PAK3: variants seen among roughly 807,000 people sequenced by gnomAD.
The protein encoded by PAK3 is p21 (RAC1) activated kinase 3.
PAK3 carries 4 observed loss-of-function variants against 41.0 expected under a neutral mutation model. The ratio of observed to expected loss-of-function variants is 0.10; its 90% CI spans 0.05 to 0.22. The LOEUF (loss-of-function observed/expected upper bound fraction) is 0.22. PAK3 is among the 10% of genes least tolerant of loss of function. The pLI, the probability that PAK3 is intolerant of heterozygous loss-of-function variation, is 1.00. For missense variants in PAK3, 205 were observed against 409.9 expected (o/e 0.50, Z 4.32); for synonymous variants, 146 against 139.6 (o/e 1.05, Z -0.32).
chrX:111,033,315 C>T (rs938518822), intron 1 of PAK3, among the ~76,000 whole-genome samples: 4 of 111,409 alleles, frequency 3.6e-5, no homozygotes, highest in Non-Finnish European at 7.5e-5. Context: ...CCCCTCCTCT[C>T]CCTCCTCCTC....
chrX:111,078,837 C>G (rs1161393389), intron 1 of PAK3, among the ~76,000 whole-genome samples: 1 of 111,882 alleles, frequency 8.9e-6, no homozygotes, highest in Non-Finnish European at 1.9e-5. Context: ...AAGTGCTACT[C>G]CAGTGAACAC....
At chrX:111,190,665 T>TA (rs749938319) in intron 11 of PAK3, among the ~76,000 whole-genome samples, 1 of 111,606 alleles carries the variant, frequency 9.0e-6, no homozygotes, top group East Asian at 2.8e-4. Flanking sequence ...AGCCAGGTCA[T>TA]ATACACTTCC....
chrX:110,983,493 G>A (rs201968065), intron 1 of PAK3, among the ~76,000 whole-genome samples: 14 of 9,660 alleles, frequency 1.4e-3, no homozygotes, highest in African/African-American at 2.4e-3. Context: ...AGAGAGAGAG[G>A]ATGTGTGTGT....
chrX:111,175,968 A>G (rs1489250368), intron 11 of PAK3, among the ~76,000 whole-genome samples: 1 of 112,022 alleles, frequency 8.9e-6, no homozygotes, highest in Non-Finnish European at 1.9e-5. Flanking sequence ...TTAAAGAATG[A>G]TAAAGTAGCA....
At chrX:111,131,846 G>A in intron 5 of PAK3, among the ~76,000 whole-genome samples, 1 of 112,036 alleles carries the variant, frequency 8.9e-6, no homozygotes, top group Non-Finnish European at 1.9e-5. Context: ...CAGGGCTGCT[G>A]TTGTCATAGG....
chrX:111,082,966 A>G (rs2092847404), intron 1 of PAK3, among the ~76,000 whole-genome samples: 1 of 112,383 alleles, frequency 8.9e-6, no homozygotes, highest in Admixed American at 9.4e-5. Context: ...TGTTCATTGC[A>G]TGAGACATGT....
At chrX:111,209,631 A>G (rs2094797470) in intron 16 of PAK3, among the ~76,000 whole-genome samples, 1 of 111,839 alleles carries the variant, frequency 8.9e-6, no homozygotes, top group Admixed American at 9.5e-5. Flanking sequence ...ACTGCACCCT[A>G]TCCTCTTTGT....
intron 1 of PAK3, among the ~76,000 whole-genome samples, chrX:111,028,325 A>G (rs1459105538): frequency 9.1e-6 from 1 of 109,639 alleles, no homozygotes; most frequent in East Asian, 2.9e-4. Context: ...GTGCACAAAA[A>G]TATCGGAAAT....
intron 7 of PAK3, among the ~76,000 whole-genome samples, chrX:111,151,900 G>A (rs1329074570): frequency 8.9e-6 from 1 of 112,108 alleles, no homozygotes; most frequent in Non-Finnish European, 1.9e-5. Context: ...TGTAAACAGA[G>A]TAGGTACACT....
At chrX:110,963,317 G>A (rs940025936) in intron 1 of PAK3, among the ~76,000 whole-genome samples, 3 of 111,945 alleles carry the variant, frequency 2.7e-5, no homozygotes, top group Admixed American at 9.5e-5. Flanking sequence ...GGTCTCCATG[G>A]GAACTAATTC....
chrX:111,097,216 C>G (rs994335100), intron 1 of PAK3, among the ~76,000 whole-genome samples, 174 bp from the exon 2 acceptor site: 5 of 103,062 alleles, frequency 4.9e-5, no homozygotes, highest in Admixed American at 1.1e-4. Flanking sequence ...AGATTACTGC[C>G]GCACTTTTGG....
chrX:111,029,553 G>A (rs191417071), intron 1 of PAK3, among the ~76,000 whole-genome samples: 184 of 111,775 alleles, frequency 1.6e-3, no homozygotes, highest in Middle Eastern at 4.6e-3. Context: ...AAGTCATGAG[G>A]AAGAGAAAAT....
At chrX:111,004,860 CA>C (rs960371310) in intron 1 of PAK3, among the ~76,000 whole-genome samples, 9 of 111,884 alleles carry the variant, frequency 8.0e-5, no homozygotes, top group Non-Finnish European at 1.5e-4. Flanking sequence ...GAACACAATT[CA>C]AAATGTTCTC....
intron 1 of PAK3, among the ~76,000 whole-genome samples, chrX:111,018,571 T>A (rs1171765434): frequency 9.0e-6 from 1 of 111,666 alleles, no homozygotes; most frequent in Non-Finnish European, 1.9e-5. Flanking sequence ...GTATAAAACA[T>A]TGCTGAAAGA....
At chrX:111,096,754 A>AC (rs1555996202) in intron 1 of PAK3, 9 of 75,818 alleles carry the variant, frequency 1.2e-4, no homozygotes, top group Admixed American at 7.6e-4. Context: ...CTTCCCTTTC[A>AC]CCCCCCCGCC....
At chrX:111,001,296 G>A (rs190444987) in intron 1 of PAK3, among the ~76,000 whole-genome samples, 13 of 112,362 alleles carry the variant, frequency 1.2e-4, no homozygotes, top group African/African-American at 3.9e-4. Flanking sequence ...AACATGAAGG[G>A]AAGGAAAGAG....
chrX:111,210,762 A>C (rs1419363190), intron 16 of PAK3, among the ~76,000 whole-genome samples: 1 of 112,143 alleles, frequency 8.9e-6, no homozygotes, highest in African/African-American at 3.2e-5. Context: ...ACCTGTAAAC[A>C]AATAACAAGT....
At chrX:111,076,506 A>G (rs760095898) in intron 1 of PAK3, among the ~76,000 whole-genome samples, 2 of 112,024 alleles carry the variant, frequency 1.8e-5, no homozygotes, top group East Asian at 5.6e-4. Flanking sequence ...GCCTTCTGCC[A>G]TGATTGTAAG....
At chrX:111,089,496 C>CAGAT (rs2092913650) in intron 1 of PAK3, among the ~76,000 whole-genome samples, 1 of 111,871 alleles carries the variant, frequency 8.9e-6, no homozygotes, top group Non-Finnish European at 1.9e-5. Flanking sequence ...CCACCAGGTA[C>CAGAT]AGATCCCTTT....
Sources: gnomAD v4.1 joint callset for allele counts (sites outside exome capture counted in the v4.1 genomes callset) on GRCh38, gnomAD v4.1.1 for gene constraint, MANE v1.5 for transcripts, NCBI Gene and HGNC (gene_info 2026-07-23, HGNC 2026-07-21) for gene names.